Variants in CHRNA7 observed in about 807,000 individuals in gnomAD.
CHRNA7 encodes cholinergic receptor nicotinic alpha 7 subunit.
Under a neutral mutation model 48.0 loss-of-function variants are expected in CHRNA7, and 17 were observed. That is an observed-to-expected ratio of 0.35 (90% CI 0.24 to 0.53). CHRNA7 has a LOEUF of 0.53. CHRNA7 is among the 20% of genes least tolerant of loss of function. The pLI, the probability that CHRNA7 is intolerant of heterozygous loss-of-function variation, is 0.92. For synonymous variants in CHRNA7, 75 were observed against 242.3 expected, an observed-to-expected ratio of 0.31 and a Z score of 6.41; for missense variants, 155 against 577.7, an observed-to-expected ratio of 0.27 and a Z score of 7.50.
At chr15:32,143,424 A>G (rs1186351831) in intron 4 of CHRNA7, among the ~76,000 whole-genome samples, 1 of 152,206 alleles carries the variant, frequency 6.6e-6, no homozygotes, top group Non-Finnish European at 1.5e-5. Flanking sequence ...AGTTCTGTAG[A>G]TATCTATTAG....
At chr15:32,068,504 C>T (rs1331752362) in intron 2 of CHRNA7, among the ~76,000 whole-genome samples, 27 of 152,096 alleles carry the variant, frequency 1.8e-4, no homozygotes, top group Admixed American at 1.8e-3. Flanking sequence ...TAATACCATG[C>T]AAACAGTAGT....
At chr15:32,125,947 T>C (rs2051058836) in intron 4 of CHRNA7, among the ~76,000 whole-genome samples, 1 of 151,992 alleles carries the variant, frequency 6.6e-6, no homozygotes, top group South Asian at 2.1e-4. Flanking sequence ...CTTGTCTCCC[T>C]CCTGCTGTCC....
intron 4 of CHRNA7, among the ~76,000 whole-genome samples, chr15:32,143,217 G>C (rs1356758759): frequency 6.6e-6 from 1 of 152,224 alleles, no homozygotes; most frequent in Admixed American, 6.5e-5. Flanking sequence ...CAGTTTCCAT[G>C]TAGTTGTGCA....
intron 4 of CHRNA7, among the ~76,000 whole-genome samples, chr15:32,153,143 G>A (rs1595508701): frequency 6.6e-6 from 1 of 152,120 alleles, no homozygotes; most frequent in African/African-American, 2.4e-5. Flanking sequence ...TATGTGGGCC[G>A]GGCACGGTGG....
At chr15:32,058,993 GTCT>G (rs1195905164) in intron 2 of CHRNA7, among the ~76,000 whole-genome samples, 1 of 142,682 alleles carries the variant, frequency 7.0e-6, no homozygotes, top group Non-Finnish European at 1.6e-5. Flanking sequence ...CTGAACCCAG[GTCT>G]TCTTTGTATT....
At chr15:32,086,367 C>A (rs2050296832) in intron 2 of CHRNA7, among the ~76,000 whole-genome samples, 4 of 74,034 alleles carry the variant, frequency 5.4e-5, no homozygotes, top group African/African-American at 1.5e-4. Context: ...GACTCCATCT[C>A]AAAAAAAAAA....
At chr15:32,098,721 G>T (rs2050515586) in intron 2 of CHRNA7, 1 of 152,214 alleles carries the variant, frequency 6.6e-6, no homozygotes, top group African/African-American at 2.4e-5. Context: ...GCCACCCCTT[G>T]TCACTCTGGG....
intron 2 of CHRNA7, among the ~76,000 whole-genome samples, chr15:32,061,905 C>T (rs1164510334): frequency 1.3e-5 from 2 of 152,174 alleles, no homozygotes; most frequent in Non-Finnish European, 2.9e-5. Flanking sequence ...AAAGCTACCA[C>T]ACCTCTTACA....
At chr15:32,095,463 C>T (rs537711915) in intron 2 of CHRNA7, among the ~76,000 whole-genome samples, 1 of 152,234 alleles carries the variant, frequency 6.6e-6, no homozygotes, top group African/African-American at 2.4e-5. Flanking sequence ...AAGATGTTAA[C>T]ATAAATAGCA....
chr15:32,111,492 A>T (rs915418426), intron 3 of CHRNA7: 5 of 283,866 alleles, frequency 1.8e-5, no homozygotes, highest in Non-Finnish European at 3.2e-5. Context: ...GCTAGAAGTA[A>T]CCCATCTACT....
intron 4 of CHRNA7, among the ~76,000 whole-genome samples, chr15:32,130,752 CT>C (rs2051141309): frequency 6.6e-6 from 1 of 151,862 alleles, no homozygotes; most frequent in African/African-American, 2.4e-5. Context: ...AAACATCTTA[CT>C]GGTTCAAGTA....
intron 4 of CHRNA7, among the ~76,000 whole-genome samples, chr15:32,120,947 G>A (rs1180870942): frequency 6.6e-6 from 1 of 152,166 alleles, no homozygotes; most frequent in Admixed American, 6.5e-5. Context: ...AGCCAGGTGA[G>A]GGCCAGGGTC....
chr15:32,114,045 T>TATATACACACAC, intron 4 of CHRNA7, among the ~76,000 whole-genome samples: 1 of 35,356 alleles, frequency 2.8e-5, no homozygotes, highest in Non-Finnish European at 6.5e-5. Context: ...TATATATATG[T>TATATACACACAC]ATATATATAT....
rs530280524 is a variant in CHRNA7, at chr15:32,110,432, T to C, written c.241-1358T>C. Among the ~76,000 whole-genome samples, 80 of 152,332 alleles carry C rather than the reference T, an allele frequency of 5.3e-4. 1 individual carries two copies. The South Asian group carries it at 0.016, about 31-fold the overall frequency. ...ATGCCCCAGAGGATACTTCTGCACA[T>C]CACCCATTAACACATCCTCATTCCT... On this transcript the variant is annotated intron_variant, in intron 3 of 9. Transcript: ENST00000306901.
intron 4 of CHRNA7, among the ~76,000 whole-genome samples, chr15:32,130,697 T>C (rs1211449245): frequency 1.3e-5 from 2 of 152,094 alleles, no homozygotes; most frequent in African/African-American, 2.4e-5. Context: ...GCTCTTGATA[T>C]TACATTTTAT....
intron 2 of CHRNA7, among the ~76,000 whole-genome samples, chr15:32,050,803 G>A (rs2049656460): frequency 6.6e-6 from 1 of 152,056 alleles, no homozygotes; most frequent in Non-Finnish European, 1.5e-5. Context: ...TTTGATGATG[G>A]TGATGCACAG....
At chr15:32,097,514 A>C (rs1324644453) in intron 2 of CHRNA7, among the ~76,000 whole-genome samples, 2 of 152,126 alleles carry the variant, frequency 1.3e-5, no homozygotes, top group African/African-American at 4.8e-5. Flanking sequence ...GCCAGCCCCC[A>C]CCAGACACCA....
In CHRNA7 at chr15:32,092,544, A is replaced by G. The variant is rs192020443; in HGVS notation, c.196-8759A>G. On this transcript the variant is annotated intron_variant, in intron 2 of 9. Transcript: ENST00000306901. ...CTTCCTTCTTGTGGCTGTCATTCCAATTTGTTTTCATCTGGCCCATGCCTC... is the reference window on the plus strand; with the variant it reads ...CTTCCTTCTTGTGGCTGTCATTCCAGTTTGTTTTCATCTGGCCCATGCCTC... 2.8e-4 allele frequency among the ~76,000 whole-genome samples: 42 copies of G among 152,124 alleles called. No homozygotes were observed. The East Asian group carries it at 7.5e-3, about 27-fold the overall frequency.
intron 2 of CHRNA7, among the ~76,000 whole-genome samples, chr15:32,032,418 C>T (rs1048795535): frequency 1.3e-5 from 2 of 152,132 alleles, no homozygotes; most frequent in African/African-American, 4.8e-5. Context: ...GTTTCTTAAG[C>T]ATCTTGAGCC....
Sources: allele counts gnomAD v4.1 joint callset (sites outside exome capture counted in the v4.1 genomes callset), GRCh38; gene constraint gnomAD v4.1.1; transcripts MANE v1.5; gene names NCBI Gene and HGNC (gene_info 2026-07-23, HGNC 2026-07-21).